The following MAN1A2 variants were observed in gnomAD, a reference collection of about 807,000 sequenced individuals.
The protein encoded by MAN1A2 is mannosidase alpha class 1A member 2, also known as mannosyl-oligosaccharide 1,2-alpha-mannosidase IB.
A neutral mutation model predicts 75.7 loss-of-function variants in MAN1A2; 26 were observed. That is an observed-to-expected ratio of 0.34 (90% CI 0.25 to 0.48). The LOEUF is 0.48. Among genes scored for constraint, MAN1A2 ranks in the 20% least tolerant of loss-of-function variants. MAN1A2 has a pLI of 0.99. For synonymous variants in MAN1A2, 247 were observed against 264.6 expected (o/e 0.93, Z 0.65); for missense variants, 562 against 775.5 (o/e 0.72, Z 3.27).
At chr1:117,421,718 A>G (rs750414677) in intron 5 of MAN1A2, among the ~76,000 whole-genome samples, 2 of 151,932 alleles carry the variant, frequency 1.3e-5, no homozygotes, top group Non-Finnish European at 2.9e-5. Context: ...GTCAAATTAT[A>G]TTGTGTGATT....
chr1:117,450,135 A>G (rs1649359052), intron 6 of MAN1A2, among the ~76,000 whole-genome samples: 1 of 152,214 alleles, frequency 6.6e-6, no homozygotes, highest in African/African-American at 2.4e-5. Context: ...TTTACCTAAA[A>G]TGCTGATAGC....
Position 117,525,623 on chromosome 1 carries a change from T to C in MAN1A2, c.*2666T>C, listed in dbSNP as rs1216219918. On this transcript the variant is annotated 3_prime_UTR_variant, in exon 13 of 13. Transcript: ENST00000356554. ...GTGCCTTTGGCACAAATGTGCAGAA[T>C]AGATACATCAGTTGGTGCATAATCG... 1 of 152,894 alleles carries C rather than the reference T, an allele frequency of 6.5e-6. No individual in the cohort carries two copies. Among genetic ancestry groups the C allele is most frequent in the Non-Finnish European group, 1.5e-5 (1 of 68,472 alleles). 9.5% of individuals were successfully genotyped at this position (152,894 alleles called of 1,614,324 possible).
chr1:117,499,125 A>T (rs571900960), intron 10 of MAN1A2, among the ~76,000 whole-genome samples: 2 of 152,076 alleles, frequency 1.3e-5, no homozygotes, highest in South Asian at 4.1e-4. Flanking sequence ...TGGTAGAATT[A>T]GATTTAGCAG....
At chr1:117,376,706 A>T (rs778648953) in intron 1 of MAN1A2, among the ~76,000 whole-genome samples, 3 of 152,242 alleles carry the variant, frequency 2.0e-5, no homozygotes, top group Admixed American at 6.5e-5. Flanking sequence ...TTGTATGTAC[A>T]GTTGGCCCTC....
chr1:117,514,038 A>G (rs1651627936), intron 12 of MAN1A2, among the ~76,000 whole-genome samples: 1 of 152,168 alleles, frequency 6.6e-6, no homozygotes, highest in African/African-American at 2.4e-5. Flanking sequence ...TGTGCACTTC[A>G]CTGTAAAATT....
intron 8 of MAN1A2, among the ~76,000 whole-genome samples, chr1:117,486,403 T>C (rs1332334523): frequency 1.3e-5 from 2 of 152,006 alleles, no homozygotes; most frequent in African/African-American, 4.8e-5. Context: ...ATTTATGTTT[T>C]ATATGCTTTT....
At chr1:117,459,684 G>A (rs567318296) in intron 6 of MAN1A2, among the ~76,000 whole-genome samples, 13 of 151,914 alleles carry the variant, frequency 8.6e-5, no homozygotes, top group African/African-American at 1.2e-4. Flanking sequence ...AAAATAAAAC[G>A]CAAGAGCATA....
intron 3 of MAN1A2, among the ~76,000 whole-genome samples, chr1:117,407,436 A>G (rs1570718297): frequency 6.6e-6 from 1 of 152,202 alleles, no homozygotes; most frequent in East Asian, 1.9e-4. Context: ...AAGCGTGGTA[A>G]GTAGTTCTCA....
chr1:117,502,801 C>T (rs1651241319), intron 11 of MAN1A2, 54 bp from the exon 12 acceptor site: 5 of 930,212 alleles, frequency 5.4e-6, no homozygotes, highest in Admixed American at 2.0e-5. Context: ...TTTTGTTGTC[C>T]TTCAAAACTT....
intron 8 of MAN1A2, among the ~76,000 whole-genome samples, chr1:117,468,546 A>G (rs556899852): frequency 6.6e-6 from 1 of 152,288 alleles, no homozygotes; most frequent in East Asian, 1.9e-4. Flanking sequence ...GTCACTAGCC[A>G]CATGTGACCA....
chr1:117,389,124 AAAAC>A (rs1364156325), intron 1 of MAN1A2, among the ~76,000 whole-genome samples: 1 of 152,240 alleles, frequency 6.6e-6, no homozygotes, highest in Non-Finnish European at 1.5e-5. Flanking sequence ...AATCCCATCT[AAAAC>A]AACCCCCCAA....
chr1:117,450,764 G>A (rs1029478329), intron 6 of MAN1A2, among the ~76,000 whole-genome samples: 1 of 152,210 alleles, frequency 6.6e-6, no homozygotes, highest in African/African-American at 2.4e-5. Context: ...CTTCCATGTG[G>A]TGTTGAGCCT....
intron 6 of MAN1A2, among the ~76,000 whole-genome samples, chr1:117,446,558 A>G (rs1649242508): frequency 6.6e-6 from 1 of 152,088 alleles, no homozygotes; most frequent in Admixed American, 6.6e-5. Flanking sequence ...AGTTTTTTAT[A>G]ATTGTGTGGT....
At chr1:117,377,962 C>A (rs1653210028) in intron 1 of MAN1A2, among the ~76,000 whole-genome samples, 1 of 151,974 alleles carries the variant, frequency 6.6e-6, no homozygotes, top group Admixed American at 6.6e-5. Flanking sequence ...ATTAGCCAGG[C>A]GTGGTGGTGG....
At position 117,526,866 on chromosome 1, in the gene MAN1A2, CTCTCTCTCTCTCTCTATATATATATA is replaced by C. The variant is rs1288359575; in HGVS notation, c.*3911_*3936del. 8 of 97,168 alleles carry C rather than the reference CTCTCTCTCTCTCTCTATATATATATA, an allele frequency of 8.2e-5. No homozygotes were observed. The allele number at this position is 97,168 out of a possible 1,614,324, so 6.0% of individuals were successfully genotyped here. ...CCTCTCTCTCTCTCTCTCTCTCTCT[CTCTCTCTCTCTCTCTATATATATATA>C]TATATATATATATATATGAGAGATA... is the stretch of plus-strand genomic sequence containing the variant. On this transcript the variant is annotated 3_prime_UTR_variant, in exon 13 of 13. Coordinates refer to ENST00000356554, the MANE Select transcript of MAN1A2 (RefSeq NM_006699.5).
At chr1:117,458,505 A>C (rs868501652) in intron 6 of MAN1A2, among the ~76,000 whole-genome samples, 2 of 94,254 alleles carry the variant, frequency 2.1e-5, no homozygotes, top group East Asian at 4.6e-4. Context: ...ATCTATATAT[A>C]TATATAGATA....
chr1:117,467,993 CA>C (rs897879472), intron 8 of MAN1A2, among the ~76,000 whole-genome samples: 10 of 151,612 alleles, frequency 6.6e-5, no homozygotes, highest in African/African-American at 2.4e-4. Context: ...ACAGAAACTA[CA>C]AAAAAAAGAT....
intron 1 of MAN1A2, among the ~76,000 whole-genome samples, chr1:117,372,624 A>G (rs1652999480): frequency 6.6e-6 from 1 of 152,190 alleles, no homozygotes; most frequent in Admixed American, 6.5e-5. Context: ...GGTTATTTAT[A>G]GTATCTATGA....
At chr1:117,447,793 T>C (rs1649285899) in intron 6 of MAN1A2, among the ~76,000 whole-genome samples, 1 of 152,192 alleles carries the variant, frequency 6.6e-6, no homozygotes, top group Non-Finnish European at 1.5e-5. Flanking sequence ...GCTAGATTAG[T>C]ACTTTGTCAT....
Sources: allele counts gnomAD v4.1 joint callset (sites outside exome capture counted in the v4.1 genomes callset), GRCh38; gene constraint gnomAD v4.1.1; transcripts MANE v1.5; gene names NCBI Gene and HGNC (gene_info 2026-07-23, HGNC 2026-07-21).